The following LRP1B variants were observed in gnomAD, a reference collection of about 807,000 sequenced individuals.
LRP1B encodes LDL receptor related protein 1B, also known as low-density lipoprotein receptor-related protein 1B.
Under a neutral mutation model 556.6 loss-of-function variants are expected in LRP1B, and 217 were observed. That is an observed-to-expected ratio of 0.39 (90% CI 0.35 to 0.44). LRP1B has a LOEUF of 0.44. Among genes scored for constraint, LRP1B ranks in the 20% least tolerant of loss-of-function variants. The probability of loss-of-function intolerance (pLI) is 1.00; values close to 1 mark genes in which losing one functional copy is unlikely to be tolerated. For synonymous variants in LRP1B, 2,047 were observed against 1,865.8 expected (o/e 1.10, Z -2.50); for missense variants, 5,053 against 5,620.8 (o/e 0.90, Z 3.23).
intron 66 of LRP1B, among the ~76,000 whole-genome samples, chr2:140,421,066 G>A (rs1685420161): frequency 6.6e-6 from 1 of 152,074 alleles, no homozygotes; most frequent in South Asian, 2.1e-4. Flanking sequence ...GACCAGCCTG[G>A]CCAACATGGT....
intron 1 of LRP1B, among the ~76,000 whole-genome samples, chr2:142,036,135 C>T (rs1027323762): frequency 3.3e-5 from 5 of 151,648 alleles, no homozygotes; most frequent in Admixed American, 6.6e-5. Context: ...ACCCCAAGAA[C>T]ACCACCCCAG....
chr2:140,375,642 A>G (rs866539587), intron 68 of LRP1B, among the ~76,000 whole-genome samples: 17 of 152,276 alleles, frequency 1.1e-4, no homozygotes, highest in Middle Eastern at 3.4e-3. Context: ...ACATTGACAT[A>G]AATAAGCATT....
intron 14 of LRP1B, among the ~76,000 whole-genome samples, chr2:141,012,315 T>C (rs1697776972): frequency 6.6e-6 from 1 of 152,036 alleles, no homozygotes; most frequent in South Asian, 2.1e-4. Context: ...GATCGTATAT[T>C]GATTGGATTG....
At chr2:141,049,548 T>C (rs1045160531) in intron 10 of LRP1B, among the ~76,000 whole-genome samples, 6 of 152,080 alleles carry the variant, frequency 3.9e-5, no homozygotes, top group Admixed American at 1.3e-4. Flanking sequence ...GCACATTTAA[T>C]TTTATAATGT....
chr2:141,733,944 A>G (rs1433612559), intron 2 of LRP1B, among the ~76,000 whole-genome samples: 1 of 152,126 alleles, frequency 6.6e-6, no homozygotes, highest in Non-Finnish European at 1.5e-5. Context: ...TACTGTATAT[A>G]CCTGCCTTTA....
At chr2:141,266,323 CA>C (rs34877238) in intron 3 of LRP1B, among the ~76,000 whole-genome samples, 14,022 of 73,360 alleles carry the variant, frequency 0.19, 722 homozygotes, top group Admixed American at 0.26. Context: ...GACTCTGTTT[CA>C]AAAAAAAAAA....
intron 7 of LRP1B, among the ~76,000 whole-genome samples, chr2:141,165,666 T>G (rs973924901): frequency 3.3e-5 from 5 of 152,056 alleles, no homozygotes; most frequent in African/African-American, 9.6e-5. Context: ...AAAGTATAAT[T>G]GAACCATTAA....
At chr2:141,668,006 T>C (rs1558792429) in intron 2 of LRP1B, among the ~76,000 whole-genome samples, 1 of 152,190 alleles carries the variant, frequency 6.6e-6, no homozygotes, top group African/African-American at 2.4e-5. Context: ...AGATTACATG[T>C]GTATGTCAAG....
chr2:140,911,625 G>T (rs1013654213), intron 21 of LRP1B, among the ~76,000 whole-genome samples: 39 of 151,698 alleles, frequency 2.6e-4, no homozygotes, highest in African/African-American at 9.4e-4. Context: ...TTATAATCTA[G>T]TTAGAAAGAA....
At chr2:140,815,837 G>A (rs1268629809) in intron 31 of LRP1B, among the ~76,000 whole-genome samples, 1 of 149,610 alleles carries the variant, frequency 6.7e-6, no homozygotes, top group Admixed American at 6.7e-5. Context: ...AGTTAAGAGG[G>A]GGCTTCACAG....
intron 2 of LRP1B, among the ~76,000 whole-genome samples, chr2:141,545,921 G>A (rs1011157589): frequency 6.6e-6 from 1 of 152,126 alleles, no homozygotes; most frequent in Non-Finnish European, 1.5e-5. Flanking sequence ...AGTGGAACAC[G>A]TGTTGAACTT....
intron 18 of LRP1B, 95 bp from the exon 19 acceptor site, chr2:140,952,035 C>T: frequency 1.2e-6 from 1 of 855,582 alleles, no homozygotes; most frequent in Non-Finnish European, 1.9e-6. Context: ...AACTCCTTCC[C>T]TGTTCTCTAC....
At chr2:140,297,244 A>T (rs1558780611) in intron 84 of LRP1B, among the ~76,000 whole-genome samples, 1 of 152,142 alleles carries the variant, frequency 6.6e-6, no homozygotes, top group African/African-American at 2.4e-5. Flanking sequence ...TATTCATATA[A>T]ATGAAATATA....
chr2:141,810,137 G>GAA, intron 2 of LRP1B, 142 bp downstream of exon 2: 1 of 470,236 alleles, frequency 2.1e-6, no homozygotes, highest in East Asian at 3.3e-5. Context: ...AAGAAAGAAA[G>GAA]AAAGAAAGAA....
chr2:141,152,224 T>C lies in LRP1B; in HGVS notation c.1013+36197A>G, dbSNP rs1212940876. On this transcript the variant is annotated intron_variant, in intron 7 of 90. Coordinates refer to ENST00000389484, the MANE Select transcript of LRP1B (RefSeq NM_018557.3). Reference sequence around the variant, plus strand: ...ACTATTTGAGATTCAAGTTTCCTCGTCTTTAGAGTACAAATAATAATAGGT... The same window carrying C: ...ACTATTTGAGATTCAAGTTTCCTCGCCTTTAGAGTACAAATAATAATAGGT... 2.0e-5 allele frequency among the ~76,000 whole-genome samples: 3 copies of C among 152,108 alleles called. No homozygotes were observed. The East Asian group carries it at 5.8e-4, about 29-fold the overall frequency.
At chr2:141,948,632 A>G (rs912819977) in intron 1 of LRP1B, among the ~76,000 whole-genome samples, 10 of 152,076 alleles carry the variant, frequency 6.6e-5, no homozygotes, top group Non-Finnish European at 1.2e-4. Context: ...TGAGCATTGA[A>G]GCCAATTAAT....
intron 1 of LRP1B, among the ~76,000 whole-genome samples, chr2:142,107,878 T>G (rs1706812211): frequency 1.4e-5 from 2 of 146,684 alleles, no homozygotes; most frequent in South Asian, 2.2e-4. Context: ...ACTCCTGACC[T>G]CAAGTGATCC....
At chr2:141,675,934 C>T (rs1023862417) in intron 2 of LRP1B, among the ~76,000 whole-genome samples, 1 of 151,834 alleles carries the variant, frequency 6.6e-6, no homozygotes, top group Non-Finnish European at 1.5e-5. Flanking sequence ...GCTTGGAGAG[C>T]TTCTATCAAA....
intron 2 of LRP1B, among the ~76,000 whole-genome samples, chr2:141,719,436 C>A (rs549654006): frequency 6.6e-6 from 1 of 152,198 alleles, no homozygotes; most frequent in Non-Finnish European, 1.5e-5. Flanking sequence ...CAACAACTAG[C>A]TGATTATTAA....
Sources: allele counts gnomAD v4.1 joint callset (sites outside exome capture counted in the v4.1 genomes callset), GRCh38; gene constraint gnomAD v4.1.1; transcripts MANE v1.5; gene names NCBI Gene and HGNC (gene_info 2026-07-23, HGNC 2026-07-21).